Variants in TMEM165 observed in about 807,000 individuals in gnomAD.
TMEM165 encodes transmembrane protein 165, also known as putative divalent cation/proton antiporter TMEM165.
In TMEM165, 19 loss-of-function variants were observed where a neutral mutation model predicts 30.0. The ratio of observed to expected loss-of-function variants is 0.63; its 90% CI spans 0.44 to 0.93. The LOEUF is 0.93. Among genes scored for constraint, TMEM165 ranks in the 40% least tolerant of loss-of-function variants. The probability of loss-of-function intolerance (pLI) is 0.00; values close to 1 mark genes in which losing one functional copy is unlikely to be tolerated. For synonymous variants in TMEM165, 168 were observed against 162.9 expected (o/e 1.03, Z -0.24); for missense variants, 340 against 417.0 (o/e 0.82, Z 1.61).
At chr4:55,408,136 A>C (rs1051166418) in intron 1 of TMEM165, among the ~76,000 whole-genome samples, 1 of 152,234 alleles carries the variant, frequency 6.6e-6, no homozygotes, top group South Asian at 2.1e-4. Flanking sequence ...TTTTAATTAA[A>C]AAAGATCTTC....
At position 55,402,212 on chromosome 4, in the gene TMEM165, CAA is replaced by C. The variant is rs975492422; in HGVS notation, c.207+5821_207+5822del. Among the ~76,000 whole-genome samples, 72 of 141,096 alleles carry C rather than the reference CAA, an allele frequency of 5.1e-4. 4 individuals are homozygous for C. The highest frequency in any genetic ancestry group is 1.9e-3 in the African/African-American group (67 of 35,794). The allele number at this position is 141,096 out of a possible 152,430, so 92.6% of individuals were successfully genotyped here. A position where few individuals can be genotyped will look rare whatever the true frequency, so the allele number is the denominator to read the frequency against. The stretch of plus-strand genomic sequence containing the variant: ...TCATAAAAATAAACATTCATTAAAA[CAA>C]AAAATAATTTTATTACAAAATATTA... On this transcript the variant is annotated intron_variant, in intron 1 of 5. Transcript: ENST00000381334.
intron 4 of TMEM165, among the ~76,000 whole-genome samples, chr4:55,418,453 G>C (rs1721827742): frequency 6.6e-6 from 1 of 151,846 alleles, no homozygotes; most frequent in Non-Finnish European, 1.5e-5. Context: ...GAGCCTGGGA[G>C]GTTGAGGCTC....
chr4:55,399,177 G>A (rs1485920441), intron 1 of TMEM165: 2 of 152,200 alleles, frequency 1.3e-5, no homozygotes, highest in African/African-American at 4.8e-5. Context: ...ATGCAGTGAT[G>A]TCAGAGGTGT....
intron 4 of TMEM165, among the ~76,000 whole-genome samples, chr4:55,422,236 C>T (rs558427412): frequency 3.2e-4 from 48 of 152,290 alleles, no homozygotes; most frequent in Non-Finnish European, 6.5e-4. Flanking sequence ...CAACATTCTT[C>T]TCTTTCTGCT....
At chr4:55,435,300 C>G (rs1430009910) in intron 3 of TMEM165, 19 of 1,228,598 alleles carry the variant, frequency 1.5e-5, no homozygotes, top group Non-Finnish European at 2.1e-5. Flanking sequence ...CTAGAACACT[C>G]AATACTGCAT....
intron 1 of TMEM165, among the ~76,000 whole-genome samples, chr4:55,400,323 TTATA>T (rs199827008): frequency 1.2e-5 from 1 of 83,946 alleles, no homozygotes; most frequent in Non-Finnish European, 2.2e-5. Flanking sequence ...TAATACTGTA[TTATA>T]TATAATATAA....
chr4:55,442,783 GA>G, intron 3 of TMEM165: 1 of 746,078 alleles, frequency 1.3e-6, no homozygotes. Flanking sequence ...AACCACAAAG[GA>G]ATGACTCGTG....
intron 3 of TMEM165, chr4:55,442,284 C>T: frequency 1.4e-6 from 1 of 729,272 alleles, no homozygotes; most frequent in Non-Finnish European, 2.3e-6. Flanking sequence ...TGAATACATT[C>T]AGTGTTTTTA....
At chr4:55,447,756 A>G (rs1250886743) in intron 3 of TMEM165, among the ~76,000 whole-genome samples, 1 of 152,218 alleles carries the variant, frequency 6.6e-6, no homozygotes, top group Non-Finnish European at 1.5e-5. Flanking sequence ...AAATAACCAT[A>G]TAAGATGGAG....
In TMEM165 at chr4:55,396,315, G is replaced by C; in HGVS notation, c.126G>C (p.Arg42=). Residue 42 remains arginine, a synonymous_variant, in exon 1 of 6, where the codon CGG becomes CGC. Transcript: ENST00000381334. ...RAGPDEDLSH[R]NKEPPAPAQQ... ...GCCCAGATGAAGACCTTAGCCACCG[G>C]AACAAAGAACCGCCGGCGCCGGCCC... 6.6e-7 allele frequency: 1 copy of C among 1,525,040 alleles called. No individual in the cohort carries two copies. Among genetic ancestry groups the C allele is most frequent in the South Asian group, 1.2e-5 (1 of 82,128 alleles). 94.5% of individuals were successfully genotyped at this position (1,525,040 alleles called of 1,614,324 possible). A position where few individuals can be genotyped will look rare whatever the true frequency, so the allele number is the denominator to read the frequency against.
chr4:55,403,036 C>T (rs1180779379), intron 1 of TMEM165, among the ~76,000 whole-genome samples: 1 of 151,868 alleles, frequency 6.6e-6, no homozygotes, highest in African/African-American at 2.4e-5. Context: ...GTGATCCGCC[C>T]GCCTGGGCCT....
At chr4:55,407,397 A>G (rs1466946492) in intron 1 of TMEM165, among the ~76,000 whole-genome samples, 1 of 152,144 alleles carries the variant, frequency 6.6e-6, no homozygotes, top group East Asian at 1.9e-4. Flanking sequence ...GTAAATACCT[A>G]CCAGGGTCTG....
At chr4:55,424,213 C>CTT in intron 4 of TMEM165, 1 of 247,266 alleles carries the variant, frequency 4.0e-6, no homozygotes. Flanking sequence ...CTCCCTAGCA[C>CTT]TTGTCATAGC....
intron 2 of TMEM165, 53 bp downstream of exon 2, chr4:55,411,892 T>G (rs914508111): frequency 9.0e-6 from 14 of 1,549,150 alleles, no homozygotes; most frequent in Non-Finnish European, 1.2e-5. Context: ...GAAAGCGTGT[T>G]GTGTGACATG....
chr4:55,413,911 T>TA lies in TMEM165; in HGVS notation c.433+2073dup, dbSNP rs1231870277. Among the ~76,000 whole-genome samples, 4 of 152,242 alleles carry TA rather than the reference T, an allele frequency of 2.6e-5. No individual in the cohort carries two copies. In the East Asian group the frequency reaches 7.7e-4, roughly 29 times the overall value. ...ACATTTAATATATATTATGTATTGA[T>TA]ACAGTACTTGAATCTGTCATCCATA... is the stretch of plus-strand genomic sequence containing the variant. On this transcript the variant is annotated intron_variant, in intron 2 of 5. Coordinates refer to ENST00000381334, the MANE Select transcript of TMEM165 (RefSeq NM_018475.5).
At position 55,417,584 on chromosome 4, in the gene TMEM165, G is replaced by C. The variant is rs544813363; in HGVS notation, c.610-219G>C. The stretch of plus-strand genomic sequence containing the variant: ...GTAAGTGAGCAGAGCAGTAAATACT[G>C]TTTGGTTTGTTCAGCTGAGGAGAAA... On this transcript the variant is annotated intron_variant, in intron 3 of 5. Coordinates refer to ENST00000381334, the MANE Select transcript of TMEM165 (RefSeq NM_018475.5). The C allele has an allele frequency of 2.3e-4, 132 of 574,490 alleles. No homozygotes were observed. In the South Asian group the frequency reaches 3.1e-3, roughly 13 times the overall value. 35.6% of individuals were successfully genotyped at this position (574,490 alleles called of 1,614,324 possible).
chr4:55,438,547 G>T (rs373754018), intron 3 of TMEM165: 33 of 1,612,656 alleles, frequency 2.0e-5, no homozygotes, highest in Non-Finnish European at 2.7e-5. Context: ...TCTGTTAGAA[G>T]AAAGAAGGAA....
intron 1 of TMEM165, among the ~76,000 whole-genome samples, chr4:55,400,272 A>AAT (rs1410401458): frequency 3.2e-4 from 27 of 83,176 alleles, no homozygotes; most frequent in Non-Finnish European, 5.2e-4. Context: ...TATAATATAT[A>AAT]ATATAATATT....
At chr4:55,440,870 A>G (rs1723311366) in intron 3 of TMEM165, among the ~76,000 whole-genome samples, 3 of 152,122 alleles carry the variant, frequency 2.0e-5, no homozygotes, top group Admixed American at 2.0e-4. Flanking sequence ...GCCAAGCTCA[A>G]GTCTTGAAGA....
Sources: gnomAD v4.1 joint callset for allele counts (sites outside exome capture counted in the v4.1 genomes callset) on GRCh38, gnomAD v4.1.1 for gene constraint, MANE v1.5 for transcripts, NCBI Gene and HGNC (gene_info 2026-07-23, HGNC 2026-07-21) for gene names.